SLMAP: variants seen among roughly 807,000 people sequenced by gnomAD.
SLMAP encodes the protein sarcolemma associated protein, also known as sarcolemmal membrane-associated protein.
Under a neutral mutation model 128.8 loss-of-function variants are expected in SLMAP, and 44 were observed. The ratio of observed to expected loss-of-function variants is 0.34; its 90% confidence interval spans 0.27 to 0.44. The LOEUF (loss-of-function observed/expected upper bound fraction) is 0.44. Among genes scored for constraint, SLMAP ranks in the 20% least tolerant of loss-of-function variants. The pLI is 1.00. For missense variants in SLMAP, 787 were observed against 985.3 expected, an observed-to-expected ratio of 0.80 and a Z score of 2.69; for synonymous variants, 327 against 348.8, an observed-to-expected ratio of 0.94 and a Z score of 0.70.
chr3:57,900,379 T>G (rs954313274), intron 17 of SLMAP: 2 of 152,192 alleles, frequency 1.3e-5, no homozygotes, highest in African/African-American at 4.8e-5. Context: ...GAGAAATAAG[T>G]TGATCAAACC....
In SLMAP at chr3:57,912,452, A is replaced by G. The variant is rs760217719; in HGVS notation, c.1771A>G (p.Arg591Gly). The G allele has an allele frequency of 2.5e-5, 40 of 1,613,964 alleles. No individual in the cohort carries two copies. The highest frequency in any genetic ancestry group is 1.2e-5 in the Non-Finnish European group (14 of 1,179,930). Residue 591 changes from arginine (R) to glycine (G), a missense_variant, in exon 20 of 25, where the codon AGA becomes GGA. Arg to Gly is a moderately radical substitution (Grantham distance 125). Coordinates refer to ENST00000671191, the MANE Select transcript of SLMAP (RefSeq NM_001377540.1). The part of the protein sequence containing the change: ...EEKDSEITST[R>G]DELLSARDEI... ...GAAGGACAGTGAAATCACAAGTACT[A>G]GAGATGAATTGCTTAGTGCCCGAGA...
At chr3:57,825,552 A>G (rs1274635629) in intron 2 of SLMAP, among the ~76,000 whole-genome samples, 2 of 101,612 alleles carry the variant, frequency 2.0e-5, no homozygotes, top group Non-Finnish European at 4.1e-5. Context: ...AAACATTTTT[A>G]TATTATAAAA....
chr3:57,919,548 AT>A (rs752421482), intron 22 of SLMAP, among the ~76,000 whole-genome samples: 31 of 152,102 alleles, frequency 2.0e-4, no homozygotes, highest in Admixed American at 6.6e-4. Flanking sequence ...TAATCCCATC[AT>A]TTTGGGAGGC....
intron 2 of SLMAP, among the ~76,000 whole-genome samples, chr3:57,813,345 C>T (rs1445319265): frequency 2.6e-5 from 4 of 152,176 alleles, no homozygotes; most frequent in Non-Finnish European, 5.9e-5. Flanking sequence ...ATCCTCCCGC[C>T]TTGGCTTCCC....
At chr3:57,881,091 G>A (rs2095730322) in intron 14 of SLMAP, among the ~76,000 whole-genome samples, 1 of 152,042 alleles carries the variant, frequency 6.6e-6, no homozygotes, top group Non-Finnish European at 1.5e-5. Context: ...CTACTCAGGA[G>A]GCTGAGGCAG....
At position 57,841,250 on chromosome 3, in the gene SLMAP, A is replaced by G. The variant is rs774297055; in HGVS notation, c.347-49A>G. ...TTACATATGAGAGGTGTGAAGTTTT[A>G]TATTTTTAAACAATTATTTCATCCA... On this transcript the variant is annotated intron_variant, in intron 3 of 24. Transcript: ENST00000671191. The G allele has an allele frequency of 1.3e-5, 15 of 1,171,430 alleles. No homozygotes were observed. The South Asian group carries it at 2.0e-4, about 16-fold the overall frequency. 72.6% of individuals were successfully genotyped at this position (1,171,430 alleles called of 1,614,324 possible). A position where few individuals can be genotyped will look rare whatever the true frequency, so the allele number is the denominator to read the frequency against.
chr3:57,864,672 A>G lies in SLMAP; in HGVS notation c.1091A>G (p.Gln364Arg). The G allele has an allele frequency of 6.3e-7, 1 of 1,597,946 alleles. No homozygotes were observed. Among genetic ancestry groups the G allele is most frequent in the Non-Finnish European group, 8.5e-7 (1 of 1,176,322 alleles). ...QELQAKIEAL[Q>R]ADNDFTNERL... is the part of the protein sequence containing the mutation. ...CTCCAGGCAAAAATAGAAGCTTTGC[A>G]AGCTGATAATGATTTCACCAATGAA... The change falls in exon 11 of 25, where the codon CAA becomes CGA. Residue 364 changes from glutamine to arginine, a missense_variant. Coordinates refer to ENST00000671191, the MANE Select transcript of SLMAP (RefSeq NM_001377540.1).
At chr3:57,810,577 A>G (rs998249584) in intron 2 of SLMAP, among the ~76,000 whole-genome samples, 2 of 152,172 alleles carry the variant, frequency 1.3e-5, no homozygotes, top group Admixed American at 1.3e-4. Context: ...ATTTATCTAT[A>G]TATGCGGCCT....
intron 14 of SLMAP, among the ~76,000 whole-genome samples, chr3:57,881,582 C>T (rs539716064): frequency 2.3e-4 from 35 of 152,182 alleles, no homozygotes; most frequent in African/African-American, 7.5e-4. Context: ...CTCAGCCTCC[C>T]GAGTAGCTGG....
chr3:57,787,767 A>G (rs117210630), intron 2 of SLMAP, among the ~76,000 whole-genome samples: 1 of 152,202 alleles, frequency 6.6e-6, no homozygotes, highest in South Asian at 2.1e-4. Flanking sequence ...GTGAGCCACC[A>G]TGCCCGGCTA....
At chr3:57,797,336 T>C (rs1363298491) in intron 2 of SLMAP, among the ~76,000 whole-genome samples, 1 of 151,408 alleles carries the variant, frequency 6.6e-6, no homozygotes, top group African/African-American at 2.4e-5. Context: ...AATACAAAAT[T>C]AGCCAGGCGT....
intron 2 of SLMAP, among the ~76,000 whole-genome samples, chr3:57,830,127 C>T (rs1016298723): frequency 2.4e-4 from 36 of 152,128 alleles, no homozygotes; most frequent in African/African-American, 8.0e-4. Context: ...CTCTGCCTCC[C>T]GGGTTCAGGT....
At chr3:57,898,422 A>G (rs970069416) in intron 17 of SLMAP, 1 of 152,162 alleles carries the variant, frequency 6.6e-6, no homozygotes. Context: ...CTTTTGCACT[A>G]CAGAACTCTC....
chr3:57,853,958 T>TAC (rs2094610657), intron 6 of SLMAP, among the ~76,000 whole-genome samples: 1 of 51,862 alleles, frequency 1.9e-5, no homozygotes, highest in Non-Finnish European at 3.6e-5. Context: ...AAAAAAATTA[T>TAC]ATATATATAT....
chr3:57,850,503 C>G (rs1056734990), intron 6 of SLMAP, among the ~76,000 whole-genome samples: 1 of 152,106 alleles, frequency 6.6e-6, no homozygotes, highest in Non-Finnish European at 1.5e-5. Context: ...ACTACAGCCT[C>G]GAACTCCTGG....
intron 13 of SLMAP, among the ~76,000 whole-genome samples, chr3:57,868,833 A>G (rs898589950): frequency 3.4e-4 from 47 of 139,346 alleles, no homozygotes; most frequent in African/African-American, 1.1e-3. Context: ...AAATATATAT[A>G]TGTGTATTAT....
chr3:57,826,687 T>C (rs1211709481), intron 2 of SLMAP, among the ~76,000 whole-genome samples: 3 of 152,220 alleles, frequency 2.0e-5, no homozygotes, highest in Non-Finnish European at 2.9e-5. Context: ...TAAGAATTTA[T>C]ATGGCTCAGA....
At chr3:57,800,938 G>A (rs1211562772) in intron 2 of SLMAP, 2 of 256,142 alleles carry the variant, frequency 7.8e-6, no homozygotes, top group African/African-American at 4.6e-5. Context: ...CAATGCCATG[G>A]CTCCTGTAGA....
chr3:57,865,173 G>A (rs1490845344), intron 12 of SLMAP, 69 bp from the exon 13 acceptor site: 2 of 822,356 alleles, frequency 2.4e-6, no homozygotes, highest in African/African-American at 3.5e-5. Flanking sequence ...GAATGCCATG[G>A]TTACACTTGA....
Sources: allele counts gnomAD v4.1 joint callset (sites outside exome capture counted in the v4.1 genomes callset), GRCh38; gene constraint gnomAD v4.1.1; transcripts MANE v1.5; gene names NCBI Gene and HGNC (gene_info 2026-07-23, HGNC 2026-07-21).